Variants in AGBL4 observed in about 807,000 individuals in gnomAD.
The protein encoded by AGBL4 is AGBL carboxypeptidase 4, also known as cytosolic carboxypeptidase 6.
AGBL4 carries 58 observed loss-of-function variants against 66.4 expected under a neutral mutation model. The observed-to-expected ratio is 0.87, with a 90% CI of 0.71 to 1.09. The LOEUF (loss-of-function observed/expected upper bound fraction) is 1.09, where lower values mean the gene tolerates loss of function less well. Ranked by LOEUF, AGBL4 falls within the 50% of genes least tolerant of loss-of-function variation. The pLI is 0.00. For missense variants in AGBL4, 579 were observed against 631.0 expected, an observed-to-expected ratio of 0.92 and a Z score of 0.88; for synonymous variants, 234 against 222.9, an observed-to-expected ratio of 1.05 and a Z score of -0.44.
intron 2 of AGBL4, among the ~76,000 whole-genome samples, chr1:49,770,467 A>G (rs1228152237): frequency 1.3e-5 from 2 of 152,086 alleles, no homozygotes; most frequent in East Asian, 3.9e-4. Flanking sequence ...CATCAGGAGT[A>G]TTGGCTTGTA....
intron 6 of AGBL4, among the ~76,000 whole-genome samples, chr1:48,794,458 C>T (rs1004686811): frequency 6.6e-6 from 1 of 152,154 alleles, no homozygotes. Context: ...GAAGAAAGTG[C>T]TATGCATAGT....
intron 1 of AGBL4, among the ~76,000 whole-genome samples, chr1:49,915,339 G>A (rs1165729303): frequency 6.6e-6 from 1 of 152,144 alleles, no homozygotes; most frequent in Non-Finnish European, 1.5e-5. Context: ...TCTTAGCCAA[G>A]GGAAGCCATG....
intron 4 of AGBL4, among the ~76,000 whole-genome samples, chr1:49,204,941 T>G (rs1008971823): frequency 5.3e-5 from 8 of 152,122 alleles, no homozygotes; most frequent in Non-Finnish European, 1.2e-4. Context: ...CCCAGGGTCA[T>G]ACAGCTAGTG....
intron 2 of AGBL4, among the ~76,000 whole-genome samples, chr1:49,714,929 C>T (rs1647976589): frequency 6.6e-6 from 1 of 151,836 alleles, no homozygotes; most frequent in African/African-American, 2.4e-5. Context: ...TGCATCCTCA[C>T]TAGCATCTAT....
At chr1:49,555,500 T>C (rs1653360369) in intron 3 of AGBL4, among the ~76,000 whole-genome samples, 1 of 149,956 alleles carries the variant, frequency 6.7e-6, no homozygotes, top group African/African-American at 2.4e-5. Context: ...TGTCTAGCTT[T>C]TGTGTCTAGC....
chr1:49,656,944 T>C (rs887733537), intron 3 of AGBL4, among the ~76,000 whole-genome samples: 4 of 152,090 alleles, frequency 2.6e-5, no homozygotes, highest in Non-Finnish European at 5.9e-5. Context: ...TGAAAACTGG[T>C]ACAAAACAGG....
chr1:49,928,998 A>G (rs1456358521), intron 1 of AGBL4, among the ~76,000 whole-genome samples: 1 of 152,242 alleles, frequency 6.6e-6, no homozygotes, highest in African/African-American at 2.4e-5. Flanking sequence ...AAAAAGAATG[A>G]AATCATATCC....
chr1:48,820,790 A>G (rs1646294953), intron 6 of AGBL4, among the ~76,000 whole-genome samples: 1 of 152,204 alleles, frequency 6.6e-6, no homozygotes, highest in South Asian at 2.1e-4. Flanking sequence ...TGCACAGCTA[A>G]AGAAATAACA....
At chr1:48,711,099 C>G (rs994481268) in intron 6 of AGBL4, among the ~76,000 whole-genome samples, 1 of 152,108 alleles carries the variant, frequency 6.6e-6, no homozygotes, top group African/African-American at 2.4e-5. Context: ...AGGGCCTGAC[C>G]GCAGGTGATC....
intron 3 of AGBL4, among the ~76,000 whole-genome samples, chr1:49,548,779 T>C (rs936927280): frequency 2.0e-5 from 3 of 152,182 alleles, no homozygotes; most frequent in Non-Finnish European, 4.4e-5. Flanking sequence ...ATTAGGGTGA[T>C]GCTGGCTTCA....
At chr1:49,694,319 G>A (rs184455422) in intron 3 of AGBL4, among the ~76,000 whole-genome samples, 13 of 152,132 alleles carry the variant, frequency 8.5e-5, no homozygotes, top group South Asian at 4.1e-4. Context: ...TTTCTTTAAC[G>A]TAGACTACCA....
At chr1:48,701,136 C>T (rs1206546511) in intron 6 of AGBL4, among the ~76,000 whole-genome samples, 3 of 152,174 alleles carry the variant, frequency 2.0e-5, no homozygotes, top group African/African-American at 7.2e-5. Flanking sequence ...TTTGCTCAAG[C>T]TGCCTCCTGC....
intron 3 of AGBL4, among the ~76,000 whole-genome samples, chr1:49,680,069 T>C (rs1248388732): frequency 2.8e-5 from 4 of 144,252 alleles, no homozygotes; most frequent in Admixed American, 7.0e-5. Context: ...TTTTTTTTTT[T>C]GAGATGGAGT....
intron 2 of AGBL4, among the ~76,000 whole-genome samples, chr1:49,850,739 T>A (rs1345652104): frequency 6.6e-6 from 1 of 152,096 alleles, no homozygotes; most frequent in Non-Finnish European, 1.5e-5. Context: ...CCAATGAAAA[T>A]TAATAATTAT....
chr1:49,922,652 A>C (rs1041828533), intron 1 of AGBL4, among the ~76,000 whole-genome samples: 2 of 152,178 alleles, frequency 1.3e-5, no homozygotes, highest in Non-Finnish European at 2.9e-5. Context: ...AATTGCTAGC[A>C]TTCCTACAAA....
At chr1:49,946,220 T>C (rs1655191568) in intron 1 of AGBL4, among the ~76,000 whole-genome samples, 1 of 151,870 alleles carries the variant, frequency 6.6e-6, no homozygotes, top group Admixed American at 6.6e-5. Flanking sequence ...TTAACAGGTA[T>C]TTACAGAACA....
chr1:49,946,722 A>G (rs901645222), intron 1 of AGBL4, among the ~76,000 whole-genome samples: 8 of 151,904 alleles, frequency 5.3e-5, no homozygotes, highest in Non-Finnish European at 1.0e-4. Context: ...GAACTAAATA[A>G]AATTAAAACA....
At chr1:49,560,645 A>G (rs754693589) in intron 3 of AGBL4, among the ~76,000 whole-genome samples, 23 of 152,154 alleles carry the variant, frequency 1.5e-4, no homozygotes, top group Non-Finnish European at 2.9e-4. Context: ...GACTTAACCC[A>G]AATAATCAAA....
chr1:49,466,026 T>A (rs183665009), intron 3 of AGBL4, among the ~76,000 whole-genome samples: 1 of 151,882 alleles, frequency 6.6e-6, no homozygotes, highest in Non-Finnish European at 1.5e-5. Flanking sequence ...AGGCCCATGG[T>A]AGAGTAGCAT....
Sources: allele counts gnomAD v4.1 joint callset (sites outside exome capture counted in the v4.1 genomes callset), GRCh38; gene constraint gnomAD v4.1.1; transcripts MANE v1.5; gene names NCBI Gene and HGNC (gene_info 2026-07-23, HGNC 2026-07-21).